The following SLC25A51 variants were observed in gnomAD, a reference collection of about 807,000 sequenced individuals.
SLC25A51 encodes the protein mitochondrial nicotinamide adenine dinucleotide transporter SLC25A51.
In SLC25A51, 11 loss-of-function variants were observed where a neutral mutation model predicts 19.1. That is an observed-to-expected ratio of 0.58 (90% CI 0.36 to 0.96). SLC25A51 has a LOEUF of 0.96. Ranked by LOEUF, SLC25A51 falls within the 40% of genes least tolerant of loss-of-function variation. The pLI, the probability that SLC25A51 is intolerant of heterozygous loss-of-function variation, is 0.01. For synonymous variants in SLC25A51, 105 were observed against 133.6 expected, an observed-to-expected ratio of 0.79 and a Z score of 1.47; for missense variants, 201 against 365.4, an observed-to-expected ratio of 0.55 and a Z score of 3.67.
In SLC25A51 at chr9:37,887,925, G is replaced by A; in HGVS notation, c.626C>T (p.Ala209Val). The A allele has an allele frequency of 6.2e-7, 1 of 1,612,000 alleles. No individual in the cohort carries two copies. The highest frequency in any genetic ancestry group is 8.5e-7 in the Non-Finnish European group (1 of 1,179,858). The part of the protein sequence containing the change: ...EHLPTATTHS[A>V]HLVNDFICGG... ...ACAGATAAAATCATTGACCAGATGA[G>A]CACTGTGAGTCGTTGCGGTAGGCAG... Residue 209 changes from alanine to valine, a missense_variant, in exon 3 of 3, where the codon GCT becomes GTT. Transcript: ENST00000242275.
rs75080718 is a variant in SLC25A51 at position 37,890,029 on chromosome 9, A to G, written c.-42-1437T>C. 7.2e-5 allele frequency among the ~76,000 whole-genome samples: 11 copies of G among 151,984 alleles called. No homozygotes were observed. The East Asian group carries it at 1.9e-3, about 27-fold the overall frequency. Reference sequence around the variant, plus strand: ...GAAATATATATAAATATATACACACATATGTGTATGTGTGTGTGTATATGA... The same window carrying G: ...GAAATATATATAAATATATACACACGTATGTGTATGTGTGTGTGTATATGA... On this transcript the variant is annotated intron_variant, in intron 2 of 2. Coordinates refer to ENST00000242275, the MANE Select transcript of SLC25A51 (RefSeq NM_033412.4).
intron 1 of SLC25A51, among the ~76,000 whole-genome samples, chr9:37,901,429 A>G (rs1289495648): frequency 3.3e-5 from 5 of 152,360 alleles, no homozygotes; most frequent in Middle Eastern, 3.4e-3. Context: ...TTGGCCTCCC[A>G]AAGTGCTGGG....
At position 37,888,554 on chromosome 9, in the gene SLC25A51, G is replaced by A. The variant is rs371169995; in HGVS notation, c.-4C>T. On this transcript the variant is annotated 5_prime_UTR_variant, in exon 3 of 3. It introduces an in-frame stop codon into an upstream open reading frame of the 5' UTR. Transcript: ENST00000242275. ...CATGAGCTTCTGAATCCATCATGCT[G>A]CTTAAGATCTTTCTTTTTCATGAAG... 1.3e-6 allele frequency: 2 copies of A among 1,575,844 alleles called. No homozygotes were observed. The highest frequency in any genetic ancestry group is 2.8e-5 in the African/African-American group (2 of 72,658).
downstream of SLC25A51, among the ~76,000 whole-genome samples, chr9:37,883,401 A>G (rs1831386257): frequency 2.0e-5 from 3 of 152,268 alleles, no homozygotes. Flanking sequence ...AACCATTAAA[A>G]ATATTTATTA....
At chr9:37,882,163 CT>C (rs1370786758) in intron 2 of SLC25A51, among the ~76,000 whole-genome samples, 2 of 152,150 alleles carry the variant, frequency 1.3e-5, no homozygotes, top group Non-Finnish European at 2.9e-5. Flanking sequence ...AAGAGAATAC[CT>C]GTTCAAGTCT....
chr9:37,888,212 G>C lies in SLC25A51; in HGVS notation c.339C>G (p.Val113=). Residue 113 remains valine (V), a synonymous_variant, in exon 3 of 3, where the codon GTC becomes GTG. Transcript: ENST00000242275. ...CACTGGTTGCAAACTCTGGAGCACT[G>C]ACATGCTTGTGGAGAAGGCAGGATA... is the stretch of plus-strand genomic sequence containing the variant. ...EDLSCLLHKH[V]SAPEFATSGV... The C allele has an allele frequency of 6.2e-7, 1 of 1,614,174 alleles. No homozygotes were observed. The highest frequency in any genetic ancestry group is 1.1e-5 in the South Asian group (1 of 91,080).
chr9:37,903,126 C>G (rs1341810260), intron 1 of SLC25A51, among the ~76,000 whole-genome samples: 2 of 152,212 alleles, frequency 1.3e-5, no homozygotes, highest in African/African-American at 2.4e-5. Context: ...AAGGGTGATT[C>G]CAGTTCCAAA....
intron 2 of SLC25A51, among the ~76,000 whole-genome samples, chr9:37,898,596 G>C (rs1831774079): frequency 6.6e-6 from 1 of 151,866 alleles, no homozygotes; most frequent in African/African-American, 2.4e-5. Flanking sequence ...GCATGCACCT[G>C]TCATCTCAGC....
downstream of SLC25A51, chr9:37,877,984 G>C (rs1478183126): frequency 1.3e-5 from 2 of 152,154 alleles, no homozygotes; most frequent in Non-Finnish European, 2.9e-5. Context: ...CTCCAGCCTA[G>C]GTGACAGAGT....
At position 37,898,294 on chromosome 9, in the gene SLC25A51, G is replaced by A. The variant is rs995583388; in HGVS notation, c.-43+1535C>T. Among the ~76,000 whole-genome samples the A allele has an allele frequency of 3.3e-5, 5 of 152,184 alleles. No homozygotes were observed. The East Asian group carries it at 5.8e-4, about 18-fold the overall frequency. ...GGGGTGGCCGGGTGCGGTGGCTCAC[G>A]CCTGTAATCCCAGCACTTTGGGAGG... On this transcript the variant is annotated intron_variant, in intron 2 of 2. Transcript: ENST00000242275.
At position 37,888,382 on chromosome 9, in the gene SLC25A51, G is replaced by T. The variant is rs1305445632; in HGVS notation, c.169C>A (p.Arg57=). 2.5e-6 allele frequency: 4 copies of T among 1,614,212 alleles called. No homozygotes were observed. The highest frequency in any genetic ancestry group is 3.3e-5 in the Admixed American group (2 of 60,020). The part of the protein sequence containing the change: ...ITFPIQKVLF[R]QQLYGIKTRD... ...GTTTTGATGCCATACAGCTGTTGTC[G>T]AAAGAGGACCTTCTGAATGGGAAAT... The change falls in exon 3 of 3, where the codon CGA becomes AGA. Residue 57 remains arginine (R), a synonymous_variant. Transcript: ENST00000242275.
At chr9:37,884,921 A>G (rs776012), downstream of SLC25A51, among the ~76,000 whole-genome samples, 151,664 of 152,338 alleles carry the variant, frequency 1, 75,502 homozygotes, top group Middle Eastern at 1. Flanking sequence ...AAAGCAAAAC[A>G]GGAACTTTCA....
At chr9:37,903,504 A>C (rs1179675387) in intron 1 of SLC25A51, 1 of 152,276 alleles carries the variant, frequency 6.6e-6, no homozygotes, top group Non-Finnish European at 1.5e-5. Flanking sequence ...CAGAACAAGC[A>C]CTGCCAGGCT....
downstream of SLC25A51, among the ~76,000 whole-genome samples, chr9:37,883,891 T>C (rs763283785): frequency 1.1e-4 from 17 of 152,382 alleles, no homozygotes; most frequent in Non-Finnish European, 2.2e-4. Context: ...TTTAGCTTTA[T>C]TACTGCCTGG....
intron 2 of SLC25A51, among the ~76,000 whole-genome samples, chr9:37,895,818 CT>C (rs922167874): frequency 2.1e-3 from 294 of 142,412 alleles, no homozygotes; most frequent in Middle Eastern, 3.7e-3. Flanking sequence ...CCTTCCACAA[CT>C]TTTTTTTTTT....
downstream of SLC25A51, among the ~76,000 whole-genome samples, chr9:37,883,565 C>G (rs778787163): frequency 3.1e-4 from 47 of 152,298 alleles, no homozygotes; most frequent in Middle Eastern, 3.4e-3. Flanking sequence ...CCAACAAAAC[C>G]AAAGGCCCAA....
intron 2 of SLC25A51, among the ~76,000 whole-genome samples, chr9:37,893,721 C>T (rs1831647983): frequency 6.6e-6 from 1 of 152,148 alleles, no homozygotes; most frequent in Non-Finnish European, 1.5e-5. Context: ...TGCCAGATTC[C>T]TTGGAGTTGG....
At chr9:37,900,512 C>A (rs1024656796) in intron 1 of SLC25A51, among the ~76,000 whole-genome samples, 5 of 152,040 alleles carry the variant, frequency 3.3e-5, no homozygotes, top group Non-Finnish European at 7.4e-5. Context: ...GTGGTACGAT[C>A]ATGGCTCACT....
At chr9:37,894,753 T>C (rs1831676258) in intron 2 of SLC25A51, among the ~76,000 whole-genome samples, 1 of 152,182 alleles carries the variant, frequency 6.6e-6, no homozygotes, top group African/African-American at 2.4e-5. Flanking sequence ...TTATCTTTCC[T>C]GATCCTCTCC....
Sources: allele counts gnomAD v4.1 joint callset (sites outside exome capture counted in the v4.1 genomes callset), GRCh38; gene constraint gnomAD v4.1.1; transcripts MANE v1.5; gene names NCBI Gene and HGNC (gene_info 2026-07-23, HGNC 2026-07-21).